Variants in KIZ observed in about 807,000 individuals in gnomAD.
The protein encoded by KIZ is kizuna centrosomal protein.
A neutral mutation model predicts 79.6 loss-of-function variants in KIZ; 68 were observed. The ratio of observed to expected loss-of-function variants is 0.85; its 90% CI spans 0.70 to 1.05. KIZ has a LOEUF of 1.05. Among genes scored for constraint, KIZ ranks in the 50% least tolerant of loss-of-function variants. The probability of loss-of-function intolerance (pLI) is 0.00; values close to 1 mark genes in which losing one functional copy is unlikely to be tolerated. For synonymous variants in KIZ, 280 were observed against 281.8 expected, an observed-to-expected ratio of 0.99 and a Z score of 0.06; for missense variants, 797 against 800.4, an observed-to-expected ratio of 1.00 and a Z score of 0.05.
chr20:21,238,373 G>T (rs2037101402), intron 11 of KIZ, among the ~76,000 whole-genome samples: 1 of 151,346 alleles, frequency 6.6e-6, no homozygotes, highest in African/African-American at 2.4e-5. Flanking sequence ...GTGTGAGAGG[G>T]TGTGAGTGTG....
intron 6 of KIZ, among the ~76,000 whole-genome samples, chr20:21,177,629 G>A (rs2034488484): frequency 6.6e-6 from 1 of 151,984 alleles, no homozygotes; most frequent in African/African-American, 2.4e-5. Context: ...TGTGCTTTTG[G>A]TGTCGTATCC....
intron 5 of KIZ, 34 bp from the exon 6 acceptor site, chr20:21,162,816 G>T: frequency 6.4e-7 from 1 of 1,562,828 alleles, no homozygotes. Context: ...CCTGAAGTCA[G>T]TGATTGGTAA....
chr20:21,143,918 G>A (rs2032709009), intron 3 of KIZ, among the ~76,000 whole-genome samples: 1 of 152,160 alleles, frequency 6.6e-6, no homozygotes, highest in Non-Finnish European at 1.5e-5. Flanking sequence ...CATGGTCCCA[G>A]GGGATATAGA....
intron 10 of KIZ, among the ~76,000 whole-genome samples, chr20:21,229,810 A>G (rs916685784): frequency 6.6e-6 from 1 of 152,170 alleles, no homozygotes; most frequent in Non-Finnish European, 1.5e-5. Context: ...TCCTGGACTC[A>G]AGCGATCCAC....
Position 21,136,404 on chromosome 20 carries a change from A to G in KIZ, c.167A>G (p.Tyr56Cys). 1 of 1,529,596 alleles carries G rather than the reference A, an allele frequency of 6.5e-7. No homozygotes were observed. Among genetic ancestry groups the G allele is most frequent in the Non-Finnish European group, 8.9e-7 (1 of 1,122,858 alleles). The allele number at this position is 1,529,596 out of a possible 1,614,324, so 94.8% of individuals were successfully genotyped here. A position where few individuals can be genotyped will look rare whatever the true frequency, so the allele number is the denominator to read the frequency against. The change falls in exon 3 of 13, where the codon TAT (tyrosine) becomes TGT (cysteine). Residue 56 changes from tyrosine to cysteine, a missense_variant. Physicochemically the swap from Tyr to Cys is radical, Grantham distance 194 (BLOSUM62 -2). Transcript: ENST00000619189. ...TAATTTTCTAGAGTTAAGCTGAAAT[A>G]TGTAAAACTAAAGAATTATCTGAAG... Reference protein sequence around the residue: ...QSDTCRVKLKYVKLKNYLKEI... With the variant: ...QSDTCRVKLKCVKLKNYLKEI...
At chr20:21,238,304 G>A (rs984888699) in intron 11 of KIZ, among the ~76,000 whole-genome samples, 6 of 151,220 alleles carry the variant, frequency 4.0e-5, no homozygotes, top group Admixed American at 1.3e-4. Flanking sequence ...AGGGAATCAT[G>A]CATTTCGTAC....
intron 9 of KIZ, among the ~76,000 whole-genome samples, chr20:21,227,556 C>A (rs531423279): frequency 3.9e-5 from 6 of 152,234 alleles, no homozygotes; most frequent in Admixed American, 3.9e-4. Context: ...GGCATTTTTA[C>A]CTCTTTTACA....
intron 2 of KIZ, among the ~76,000 whole-genome samples, chr20:21,134,994 T>G (rs2032100205): frequency 6.6e-6 from 1 of 152,180 alleles, no homozygotes; most frequent in Non-Finnish European, 1.5e-5. Context: ...CTGAAAGTTA[T>G]TTCCACTGGG....
At chr20:21,203,896 A>G (rs2035695141) in intron 6 of KIZ, among the ~76,000 whole-genome samples, 1 of 152,156 alleles carries the variant, frequency 6.6e-6, no homozygotes, top group Non-Finnish European at 1.5e-5. Flanking sequence ...GATCTCTGGA[A>G]CATTTTCATC....
At chr20:21,154,279 C>T (rs1341162880) in intron 4 of KIZ, 1 of 151,990 alleles carries the variant, frequency 6.6e-6, no homozygotes, top group Non-Finnish European at 1.5e-5. Context: ...TCAAAGTATA[C>T]TAGTGGTTGA....
At chr20:21,244,528 T>G in intron 12 of KIZ, 3 of 526,370 alleles carry the variant, frequency 5.7e-6, no homozygotes, top group Non-Finnish European at 1.0e-5. Context: ...CAAGTATGAA[T>G]TTGCAGGGGA....
At chr20:21,230,822 A>G (rs528509463) in intron 10 of KIZ, among the ~76,000 whole-genome samples, 2 of 152,292 alleles carry the variant, frequency 1.3e-5, no homozygotes, top group East Asian at 1.9e-4. Flanking sequence ...TTTGCTTTCC[A>G]TGACCTTCTT....
At chr20:21,237,082 G>T (rs932115334) in intron 11 of KIZ, among the ~76,000 whole-genome samples, 1 of 151,096 alleles carries the variant, frequency 6.6e-6, no homozygotes, top group African/African-American at 2.4e-5. Flanking sequence ...TGGGTGGACC[G>T]CCTGCAGTCA....
intron 6 of KIZ, among the ~76,000 whole-genome samples, chr20:21,204,467 T>G (rs1023515351): frequency 6.6e-6 from 1 of 152,024 alleles, no homozygotes; most frequent in Non-Finnish European, 1.5e-5. Flanking sequence ...TTTTTAAATT[T>G]TATTAATTTA....
chr20:21,194,293 A>C (rs2035245152), intron 6 of KIZ: 1 of 152,220 alleles, frequency 6.6e-6, no homozygotes, highest in Non-Finnish European at 1.5e-5. Flanking sequence ...TAGGGCTAGC[A>C]TGTTGGTGCC....
intron 6 of KIZ, among the ~76,000 whole-genome samples, chr20:21,190,816 A>C (rs1210379744): frequency 6.6e-6 from 1 of 152,236 alleles, no homozygotes; most frequent in Non-Finnish European, 1.5e-5. Flanking sequence ...TATCCAGACC[A>C]TATGTTTTTA....
intron 6 of KIZ, among the ~76,000 whole-genome samples, chr20:21,172,333 G>A (rs188295562): frequency 2.2e-4 from 34 of 152,168 alleles, no homozygotes; most frequent in Non-Finnish European, 4.4e-4. Context: ...GGCCAGGCAC[G>A]GTGACTAACG....
At chr20:21,218,564 G>T (rs981856430) in intron 9 of KIZ, 2 of 152,230 alleles carry the variant, frequency 1.3e-5, no homozygotes, top group Non-Finnish European at 1.5e-5. Context: ...ACTTGGAAAA[G>T]ACTTTCAGCA....
At chr20:21,238,973 T>A (rs950237457) in intron 11 of KIZ, among the ~76,000 whole-genome samples, 1 of 152,200 alleles carries the variant, frequency 6.6e-6, no homozygotes, top group Non-Finnish European at 1.5e-5. Context: ...CCCCTGTGCC[T>A]AAGTACTCAT....
Sources: allele counts gnomAD v4.1 joint callset (sites outside exome capture counted in the v4.1 genomes callset), GRCh38; gene constraint gnomAD v4.1.1; transcripts MANE v1.5; gene names NCBI Gene and HGNC (gene_info 2026-07-23, HGNC 2026-07-21).